Variants in TECRL observed in about 807,000 individuals in gnomAD.
TECRL encodes the protein trans-2,3-enoyl-CoA reductase like.
Under a neutral mutation model 52.8 loss-of-function variants are expected in TECRL, and 63 were observed. That is an observed-to-expected ratio of 1.19 (90% CI 0.97 to 1.47). The LOEUF (loss-of-function observed/expected upper bound fraction) is 1.47. Among genes scored for constraint, TECRL ranks in the 40% most tolerant of loss-of-function variants. TECRL has a pLI of 0.00. For missense variants in TECRL, 482 were observed against 429.6 expected, an observed-to-expected ratio of 1.12 and a Z score of -1.08; for synonymous variants, 164 against 141.9, an observed-to-expected ratio of 1.16 and a Z score of -1.10.
At chr4:64,401,510 A>G (rs1327329642) in intron 1 of TECRL, among the ~76,000 whole-genome samples, 1 of 152,314 alleles carries the variant, frequency 6.6e-6, no homozygotes, top group South Asian at 2.1e-4. Flanking sequence ...AATTTCTTTT[A>G]CATAAAAGAA....
chr4:64,299,893 A>C (rs2109973114), intron 8 of TECRL, 81 bp downstream of exon 8: 1 of 652,988 alleles, frequency 1.5e-6, no homozygotes, highest in East Asian at 3.0e-5. Context: ...TTTCTACATG[A>C]CAAATCTTCA....
At chr4:64,305,608 C>T (rs1443799774) in intron 6 of TECRL, among the ~76,000 whole-genome samples, 1 of 152,106 alleles carries the variant, frequency 6.6e-6, no homozygotes, top group African/African-American at 2.4e-5. Flanking sequence ...AAGGGACTTT[C>T]CAGCCACCTG....
At chr4:64,301,385 C>A (rs750562162) in intron 7 of TECRL, among the ~76,000 whole-genome samples, 1 of 151,122 alleles carries the variant, frequency 6.6e-6, no homozygotes, top group African/African-American at 2.4e-5. Flanking sequence ...GGTTGCTATG[C>A]ATCTGTATCA....
At position 64,334,893 on chromosome 4, in the gene TECRL, C is replaced by T. The variant is rs148737731; in HGVS notation, c.287-6337G>A. Reference sequence around the variant, plus strand: ...TGTAACCAGTGTGCTCACTGAATTACCCAACATCATCTAAGGAAGAAGCAA... The same window carrying T: ...TGTAACCAGTGTGCTCACTGAATTATCCAACATCATCTAAGGAAGAAGCAA... On this transcript the variant is annotated intron_variant, in intron 2 of 11. Transcript: ENST00000381210. 1.5e-3 allele frequency among the ~76,000 whole-genome samples: 233 copies of T among 152,282 alleles called. 1 individual carries two copies. Among genetic ancestry groups the T allele is most frequent in the African/African-American group, 5.3e-3 (222 of 41,554 alleles).
chr4:64,406,176 G>GTA (rs1460108890), intron 1 of TECRL, among the ~76,000 whole-genome samples: 1 of 150,316 alleles, frequency 6.7e-6, no homozygotes, highest in South Asian at 2.1e-4. Flanking sequence ...GTGTGTGTGT[G>GTA]TGTGTATGTG....
At position 64,277,936 on chromosome 4, in the gene TECRL, T is replaced by C. The variant is rs1722632284; in HGVS notation, c.*2136A>G. On this transcript the variant is annotated 3_prime_UTR_variant, in exon 12 of 12. Transcript: ENST00000381210. Reference sequence around the variant, plus strand: ...CATAGGCTTTCATAGAAGATAGGTATTTAAAGATGTAAAAATAGAACAAAT... The same window carrying C: ...CATAGGCTTTCATAGAAGATAGGTACTTAAAGATGTAAAAATAGAACAAAT... The C allele has an allele frequency of 6.6e-6, 1 of 151,714 alleles. No homozygotes were observed. The highest frequency in any genetic ancestry group is 2.4e-5 in the African/African-American group (1 of 41,398). 9.4% of individuals were successfully genotyped at this position (151,714 alleles called of 1,614,324 possible). A position where few individuals can be genotyped will look rare whatever the true frequency, so the allele number is the denominator to read the frequency against.
At chr4:64,359,444 T>C (rs996697814) in intron 2 of TECRL, among the ~76,000 whole-genome samples, 1 of 152,034 alleles carries the variant, frequency 6.6e-6, no homozygotes. Context: ...TTTCAAATAG[T>C]TATTGCATTT....
chr4:64,316,136 A>C (rs753437873), intron 4 of TECRL, among the ~76,000 whole-genome samples: 3 of 152,126 alleles, frequency 2.0e-5, no homozygotes, highest in Non-Finnish European at 4.4e-5. Context: ...TGATCTAGTG[A>C]AGTCAAATTT....
At chr4:64,312,665 C>G (rs1352288862) in intron 5 of TECRL, among the ~76,000 whole-genome samples, 2 of 151,292 alleles carry the variant, frequency 1.3e-5, no homozygotes, top group African/African-American at 4.9e-5. Context: ...ACTTAGGGGG[C>G]TGAGGTGGTA....
chr4:64,405,934 T>A (rs1385262303), intron 1 of TECRL, among the ~76,000 whole-genome samples: 5 of 152,222 alleles, frequency 3.3e-5, no homozygotes, highest in African/African-American at 9.6e-5. Context: ...GGGCTCTGCA[T>A]TTAGCAAAGT....
At chr4:64,352,108 A>G (rs1482889168) in intron 2 of TECRL, among the ~76,000 whole-genome samples, 4 of 152,310 alleles carry the variant, frequency 2.6e-5, no homozygotes, top group Non-Finnish European at 5.9e-5. Flanking sequence ...AATATTGATG[A>G]ATGGTGTTAG....
chr4:64,304,960 G>A (rs949681056), intron 7 of TECRL: 1 of 355,760 alleles, frequency 2.8e-6, no homozygotes, highest in African/African-American at 2.1e-5. Flanking sequence ...AATATTTTTG[G>A]TGGTTCGTGT....
chr4:64,401,113 G>A (rs1724329710), intron 1 of TECRL, among the ~76,000 whole-genome samples: 1 of 151,978 alleles, frequency 6.6e-6, no homozygotes, highest in African/African-American at 2.4e-5. Flanking sequence ...CTGTCTTCAG[G>A]GTTTCTACTA....
intron 2 of TECRL, among the ~76,000 whole-genome samples, chr4:64,359,460 G>A (rs1721020078): frequency 6.6e-6 from 1 of 151,700 alleles, no homozygotes; most frequent in African/African-American, 2.4e-5. Flanking sequence ...CATTTGTAAT[G>A]TGTTGCTCAC....
intron 1 of TECRL, among the ~76,000 whole-genome samples, chr4:64,388,553 C>T (rs141364603): frequency 6.6e-6 from 1 of 151,830 alleles, no homozygotes; most frequent in Non-Finnish European, 1.5e-5. Flanking sequence ...TGCTAATATG[C>T]ACAAAATAAC....
chr4:64,291,482 ATAT>A (rs1723385749), intron 8 of TECRL, among the ~76,000 whole-genome samples: 1 of 151,972 alleles, frequency 6.6e-6, no homozygotes, highest in South Asian at 2.1e-4. Context: ...AAAATAGAAA[ATAT>A]TATAAAATAT....
chr4:64,397,463 T>C (rs893563782), intron 1 of TECRL, among the ~76,000 whole-genome samples: 1 of 151,616 alleles, frequency 6.6e-6, no homozygotes, highest in African/African-American at 2.4e-5. Flanking sequence ...GATGATGGTA[T>C]TGGGAGGTGG....
intron 1 of TECRL, among the ~76,000 whole-genome samples, chr4:64,385,466 T>A (rs925124412): frequency 2.0e-5 from 3 of 152,088 alleles, no homozygotes; most frequent in Admixed American, 1.3e-4. Context: ...GGCAGCAGCC[T>A]CCCTCATGCA....
intron 5 of TECRL, 94 bp from the exon 6 acceptor site, chr4:64,310,025 C>G: frequency 1.5e-6 from 1 of 662,814 alleles, no homozygotes; most frequent in South Asian, 2.1e-5. Flanking sequence ...GTTTAATATG[C>G]TAGCTATTGG....
Sources: gnomAD v4.1 joint callset for allele counts (sites outside exome capture counted in the v4.1 genomes callset) on GRCh38, gnomAD v4.1.1 for gene constraint, MANE v1.5 for transcripts, NCBI Gene and HGNC (gene_info 2026-07-23, HGNC 2026-07-21) for gene names.